Variants in SCN2A observed in about 807,000 individuals in gnomAD.
The protein encoded by SCN2A is sodium channel protein type 2 subunit alpha.
Under a neutral mutation model 188.7 loss-of-function variants are expected in SCN2A, and 20 were observed. The ratio of observed to expected loss-of-function variants is 0.11; its 90% confidence interval spans 0.07 to 0.15. SCN2A has a LOEUF of 0.15. Ranked by LOEUF, SCN2A falls within the 10% of genes least tolerant of loss-of-function variation. The pLI is 1.00. For missense variants in SCN2A, 1,278 were observed against 2,445.0 expected (o/e 0.52, Z 10.07); for synonymous variants, 804 against 833.1 (o/e 0.97, Z 0.60).
intron 1 of SCN2A, among the ~76,000 whole-genome samples, chr2:165,252,109 T>A (rs1316975225): frequency 6.6e-6 from 1 of 151,670 alleles, no homozygotes; most frequent in Non-Finnish European, 1.5e-5. Context: ...TCTGTATAAA[T>A]CCCATAGACA....
At chr2:165,274,219 A>G (rs1402580249) in intron 1 of SCN2A, 3 of 151,884 alleles carry the variant, frequency 2.0e-5, no homozygotes, top group Admixed American at 1.3e-4. Context: ...GAAAAAGAAG[A>G]AAATGAATTC....
intron 1 of SCN2A, among the ~76,000 whole-genome samples, chr2:165,253,366 T>C (rs1387610518): frequency 6.6e-6 from 1 of 152,132 alleles, no homozygotes; most frequent in Non-Finnish European, 1.5e-5. Context: ...ACCAGATTGA[T>C]TTGTGATAAT....
At chr2:165,276,027 T>G (rs168478) in intron 1 of SCN2A, among the ~76,000 whole-genome samples, 7 of 151,982 alleles carry the variant, frequency 4.6e-5, no homozygotes, top group Non-Finnish European at 8.8e-5. Flanking sequence ...GCCACTGCAC[T>G]CAGCCAAGTT....
At chr2:165,284,416 A>C (rs1243184926) in intron 1 of SCN2A, among the ~76,000 whole-genome samples, 1 of 151,946 alleles carries the variant, frequency 6.6e-6, no homozygotes. Context: ...TGATCTGCCC[A>C]CCTCGGCCTC....
intron 22 of SCN2A, among the ~76,000 whole-genome samples, chr2:165,375,795 G>A (rs1558875611): frequency 6.6e-6 from 1 of 151,104 alleles, no homozygotes; most frequent in African/African-American, 2.4e-5. Flanking sequence ...CTTATTGGAT[G>A]TATATATATG....
chr2:165,362,834 G>A (rs927747347), intron 17 of SCN2A, among the ~76,000 whole-genome samples: 3 of 152,026 alleles, frequency 2.0e-5, no homozygotes, highest in Non-Finnish European at 4.4e-5. Flanking sequence ...TGAAAAGGTT[G>A]GTGAATAGCC....
At chr2:165,273,718 A>T (rs900321558) in intron 1 of SCN2A, 1 of 152,140 alleles carries the variant, frequency 6.6e-6, no homozygotes, top group African/African-American at 2.4e-5. Flanking sequence ...ATAATTTCCA[A>T]ATGATGATGC....
In SCN2A at chr2:165,388,636, T is replaced by C. The variant is rs768923405; in HGVS notation, c.4830T>C (p.Phe1610=). The change falls in exon 27 of 27, where the codon TTT becomes TTC. Residue 1610 remains phenylalanine (F), a synonymous_variant. Transcript: ENST00000375437. ...TTTGTTGATTTTCTACAGGAATGTT[T>C]CTGGCTGAACTGATAGAAAAGTATT... is the stretch of plus-strand genomic sequence containing the variant. ...VVVILSIVGM[F]LAELIEKYFV... The C allele has an allele frequency of 1.2e-6, 2 of 1,613,896 alleles. No individual in the cohort carries two copies. Among genetic ancestry groups the C allele is most frequent in the East Asian group, 2.2e-5 (1 of 44,882 alleles).
At position 165,265,469 on chromosome 2, in the gene SCN2A, A is replaced by ATCTCTC. The variant is rs754966737; in HGVS notation, c.-52+25832_-52+25833insCTCTCT. ...TCTAGGTTATGTGTTTACTCTGTTG[A>ATCTCTC]TCTATATATATATATATATATATAT... On this transcript the variant is annotated intron_variant, in intron 1 of 26. Transcript: ENST00000375437. 3.6e-3 allele frequency among the ~76,000 whole-genome samples: 236 copies of ATCTCTC among 65,266 alleles called. 6 individuals carry two copies. The highest frequency in any genetic ancestry group is 0.014 in the African/African-American group (224 of 15,730). 42.8% of individuals were successfully genotyped at this position (65,266 alleles called of 152,430 possible). A position where few individuals can be genotyped will look rare whatever the true frequency, so the allele number is the denominator to read the frequency against.
At chr2:165,369,174 C>T (rs972899485) in intron 19 of SCN2A, among the ~76,000 whole-genome samples, 3 of 152,098 alleles carry the variant, frequency 2.0e-5, no homozygotes, top group African/African-American at 7.2e-5. Context: ...AGAGATCTGC[C>T]CGTCTTGGCC....
intron 22 of SCN2A, 36 bp downstream of exon 22, chr2:165,375,002 A>G: frequency 1.9e-6 from 3 of 1,583,660 alleles, no homozygotes; most frequent in Non-Finnish European, 2.6e-6. Flanking sequence ...ATGATGTGTA[A>G]TTAAAATGAG....
chr2:165,343,231 T>A (rs1336176590), intron 15 of SCN2A, among the ~76,000 whole-genome samples: 1 of 152,146 alleles, frequency 6.6e-6, no homozygotes, highest in Non-Finnish European at 1.5e-5. Context: ...TGATTTACCT[T>A]AGTAGTGATT....
At chr2:165,343,273 C>A (rs1051256802) in intron 15 of SCN2A, among the ~76,000 whole-genome samples, 1 of 152,110 alleles carries the variant, frequency 6.6e-6, no homozygotes, top group East Asian at 1.9e-4. Context: ...AATCTGTTTA[C>A]AATTTCCCTT....
intron 25 of SCN2A, among the ~76,000 whole-genome samples, chr2:165,381,456 G>T (rs1374026056): frequency 3.3e-5 from 5 of 151,644 alleles, no homozygotes; most frequent in Non-Finnish European, 7.4e-5. Context: ...AGTGCCAGTG[G>T]TATCATACAA....
intron 25 of SCN2A, among the ~76,000 whole-genome samples, chr2:165,384,417 C>T (rs1238982187): frequency 1.3e-5 from 2 of 151,786 alleles, no homozygotes; most frequent in African/African-American, 2.4e-5. Context: ...TATTTGACAC[C>T]CTAGGATTTA....
intron 10 of SCN2A, among the ~76,000 whole-genome samples, 183 bp from the exon 11 acceptor site, chr2:165,315,288 A>G (rs573487295): frequency 6.6e-6 from 1 of 152,194 alleles, no homozygotes; most frequent in African/African-American, 2.4e-5. Flanking sequence ...ATCATCTTCC[A>G]TATGAATGCC....
At position 165,356,861 on chromosome 2, in the gene SCN2A, G is replaced by A. The variant is rs184635612; in HGVS notation, c.3399+2190G>A. On this transcript the variant is annotated intron_variant, in intron 17 of 26. Transcript: ENST00000375437. Reference sequence around the variant, plus strand: ...CTCTTGTTTCTCTTGTTATCATTAAGCTTTTTGATTTGTTTTCCCATTAAG... The same window carrying A: ...CTCTTGTTTCTCTTGTTATCATTAAACTTTTTGATTTGTTTTCCCATTAAG... Among the ~76,000 whole-genome samples the A allele has an allele frequency of 5.7e-4, 87 of 152,264 alleles. No homozygotes were observed. In the East Asian group the frequency reaches 0.014, roughly 24 times the overall value.
At chr2:165,306,903 C>T (rs1472766695) in intron 3 of SCN2A, among the ~76,000 whole-genome samples, 8 of 152,070 alleles carry the variant, frequency 5.3e-5, no homozygotes, top group Non-Finnish European at 1.5e-5. Context: ...ATAAAGAGTG[C>T]CACTTTACAT....
chr2:165,342,718 G>A (rs1475714111), intron 15 of SCN2A, among the ~76,000 whole-genome samples: 2 of 152,216 alleles, frequency 1.3e-5, no homozygotes, highest in African/African-American at 4.8e-5. Flanking sequence ...GGAGGAAACA[G>A]GGAGTCACAG....
Sources: gnomAD v4.1 joint callset for allele counts (sites outside exome capture counted in the v4.1 genomes callset) on GRCh38, gnomAD v4.1.1 for gene constraint, MANE v1.5 for transcripts, NCBI Gene and HGNC (gene_info 2026-07-23, HGNC 2026-07-21) for gene names.